IL2RA: variants seen among roughly 807,000 people sequenced by gnomAD.
IL2RA encodes the protein interleukin 2 receptor subunit alpha.
In IL2RA, 24 loss-of-function variants were observed where a neutral mutation model predicts 37.8. The ratio of observed to expected loss-of-function variants is 0.63; its 90% CI spans 0.46 to 0.89. IL2RA has a LOEUF of 0.89. Ranked by LOEUF, IL2RA falls within the 40% of genes least tolerant of loss-of-function variation. The pLI is 0.00. For missense variants in IL2RA, 319 were observed against 348.6 expected, an observed-to-expected ratio of 0.92 and a Z score of 0.68; for synonymous variants, 125 against 114.6, an observed-to-expected ratio of 1.09 and a Z score of -0.58.
chr10:6,039,963 G>T (rs1266430644), intron 1 of IL2RA, among the ~76,000 whole-genome samples: 1 of 152,204 alleles, frequency 6.6e-6, no homozygotes, highest in Non-Finnish European at 1.5e-5. Context: ...TCAACTGGAA[G>T]GTTAGGCACG....
intron 5 of IL2RA, 74 bp downstream of exon 5, chr10:6,019,796 C>G: frequency 7.2e-7 from 1 of 1,398,316 alleles, no homozygotes; most frequent in Non-Finnish European, 1.0e-6. Flanking sequence ...GCCTATCTCC[C>G]TGAGCCTGGC....
Position 6,021,184 on chromosome 10 carries a change from C to G in IL2RA, c.583+294G>C, listed in dbSNP as rs767124575. Among the ~76,000 whole-genome samples, 3 of 152,128 alleles carry G rather than the reference C, an allele frequency of 2.0e-5. No individual in the cohort carries two copies. The highest frequency in any genetic ancestry group is 4.4e-5 in the Non-Finnish European group (3 of 68,022). ...AGAGAAGTAGTGGACTTAGGACCAA[C>G]TACGAGGCAGCATCTAGGGTGCTTA... On this transcript the variant is annotated intron_variant, in intron 4 of 7. Coordinates refer to ENST00000379959, the MANE Select transcript of IL2RA (RefSeq NM_000417.3). This position sits in a 1 kb window ranked among gnomAD's most constrained non-coding sequence, Gnocchi z 4.9.
rs998826402 is a variant in IL2RA, at chr10:6,014,012, T to C, written c.795-1116A>G. On this transcript the variant is annotated intron_variant, in intron 7 of 7. Transcript: ENST00000379959. This position sits in a 1 kb window ranked among gnomAD's most constrained non-coding sequence, Gnocchi z 4.4. ...TCGCCTAGCTAAGTTTAAAATGTTTTTGTAGAGACAAGGTCTCACTTTGTT... is the reference window on the plus strand; with the variant it reads ...TCGCCTAGCTAAGTTTAAAATGTTTCTGTAGAGACAAGGTCTCACTTTGTT... Among the ~76,000 whole-genome samples the C allele has an allele frequency of 6.6e-6, 1 of 152,004 alleles. No homozygotes were observed. The highest frequency in any genetic ancestry group is 1.5e-5 in the Non-Finnish European group (1 of 67,998).
At chr10:6,030,375 G>A (rs1321424993) in intron 1 of IL2RA, among the ~76,000 whole-genome samples, 1 of 152,134 alleles carries the variant, frequency 6.6e-6, no homozygotes, top group Non-Finnish European at 1.5e-5. Flanking sequence ...CAAAGATAAT[G>A]AGAAAATCTT....
chr10:6,032,715 T>C (rs1194238968), intron 1 of IL2RA, among the ~76,000 whole-genome samples: 1 of 142,798 alleles, frequency 7.0e-6, no homozygotes, highest in Non-Finnish European at 1.5e-5. Context: ...AAGAAAAAAA[T>C]GAAAAAGTAA....
intron 1 of IL2RA, among the ~76,000 whole-genome samples, chr10:6,052,425 C>A (rs1330549521): frequency 6.6e-6 from 1 of 152,140 alleles, no homozygotes. Context: ...TGTCTCAAAC[C>A]CTGTGCCTGA....
chr10:6,021,651 T>C lies in IL2RA; in HGVS notation c.410A>G (p.Glu137Gly), dbSNP rs781005101. 7.4e-6 allele frequency: 12 copies of C among 1,613,982 alleles called. No individual in the cohort carries two copies. The East Asian group carries it at 2.5e-4, about 33-fold the overall frequency. The change falls in exon 4 of 8, where the codon GAG becomes GGG. Residue 137 changes from glutamate to glycine, a missense_variant. Physicochemically the swap from Glu to Gly is moderately conservative, Grantham distance 98. Transcript: ENST00000379959. This position sits in a 1 kb window ranked among gnomAD's most constrained non-coding sequence, Gnocchi z 4.9. ...CCCCACCACGAAATGATAAATTCTC[T>C]CTGTGGCTTCATTTTCCCATGGTGG... is the stretch of plus-strand genomic sequence containing the variant. ...EPPPWENEATERIYHFVVGQM... is the reference protein window; with the variant it reads ...EPPPWENEATGRIYHFVVGQM...
Position 6,035,030 on chromosome 10 carries a change from T to C in IL2RA, c.65-9005A>G, listed in dbSNP as rs1345349103. Among the ~76,000 whole-genome samples the C allele has an allele frequency of 6.6e-6, 1 of 152,120 alleles. No homozygotes were observed. The highest frequency in any genetic ancestry group is 1.5e-5 in the Non-Finnish European group (1 of 67,998). On this transcript the variant is annotated intron_variant, in intron 1 of 7. Transcript: ENST00000379959. This position sits in a 1 kb window ranked among gnomAD's most constrained non-coding sequence, Gnocchi z 5.4. ...AATTTGAGATGATCAATTCGGGAGT[T>C]GGAGGTGGGGGTGTAGGGTGGTAAA...
intron 1 of IL2RA, among the ~76,000 whole-genome samples, chr10:6,050,396 G>A (rs1253276539): frequency 6.6e-6 from 1 of 152,194 alleles, no homozygotes; most frequent in Non-Finnish European, 1.5e-5. Context: ...CAGCACTTTG[G>A]GAGGCTGAGA....
chr10:6,055,306 A>C (rs1281152401), intron 1 of IL2RA, among the ~76,000 whole-genome samples: 1 of 152,166 alleles, frequency 6.6e-6, no homozygotes, highest in Non-Finnish European at 1.5e-5. Context: ...GGTGAGTTTC[A>C]ATCCTAAGTG....
Position 6,056,356 on chromosome 10 carries a change from A to G in IL2RA, c.64+5732T>C, listed in dbSNP as rs1840044576. On this transcript the variant is annotated intron_variant, in intron 1 of 7. Coordinates refer to ENST00000379959, the MANE Select transcript of IL2RA (RefSeq NM_000417.3). The surrounding 1 kb of genome is among the most constrained non-coding windows in gnomAD (Gnocchi z 5.0). ...AAAGATGTGCAGATGTGCAGGGAAT[A>G]TTGAACTGAAATTTAAGAGGGCTGG... 6.6e-6 allele frequency among the ~76,000 whole-genome samples: 1 copy of G among 152,246 alleles called. No individual in the cohort carries two copies. Among genetic ancestry groups the G allele is most frequent in the South Asian group, 2.1e-4 (1 of 4,838 alleles).
Position 6,011,507 on chromosome 10 carries a change from T to A in IL2RA, c.*1365A>T, listed in dbSNP as rs1349871726. 3 of 152,334 alleles carry A rather than the reference T, an allele frequency of 2.0e-5. No homozygotes were observed. The highest frequency in any genetic ancestry group is 7.2e-5 in the African/African-American group (3 of 41,564). The allele number at this position is 152,334 out of a possible 1,614,324, so 9.4% of individuals were successfully genotyped here. A position where few individuals can be genotyped will look rare whatever the true frequency, so the allele number is the denominator to read the frequency against. ...TCCCGGTGATTCTAATATGCTGAACTTTTTGATAATGTTCAAGGACTGCTG... is the reference window on the plus strand; with the variant it reads ...TCCCGGTGATTCTAATATGCTGAACATTTTGATAATGTTCAAGGACTGCTG... On this transcript the variant is annotated 3_prime_UTR_variant, in exon 8 of 8. Coordinates refer to ENST00000379959, the MANE Select transcript of IL2RA (RefSeq NM_000417.3). This position sits in a 1 kb window ranked among gnomAD's most constrained non-coding sequence, Gnocchi z 5.2.
rs1030196141 is a variant in IL2RA, at chr10:6,039,237, A to G, written c.65-13212T>C. Among the ~76,000 whole-genome samples, 15 of 152,366 alleles carry G rather than the reference A, an allele frequency of 9.8e-5. No individual in the cohort carries two copies. The South Asian group carries it at 2.1e-3, about 21-fold the overall frequency. On this transcript the variant is annotated intron_variant, in intron 1 of 7. Coordinates refer to ENST00000379959, the MANE Select transcript of IL2RA (RefSeq NM_000417.3). ...TTGCTAAAGATTCAATTCACCAGGA[A>G]AACATAAAAATGCTATATGTGTATG...
chr10:6,055,274 C>G (rs1218197366), intron 1 of IL2RA, among the ~76,000 whole-genome samples: 1 of 152,172 alleles, frequency 6.6e-6, no homozygotes, highest in Non-Finnish European at 1.5e-5. Context: ...CCATGGAAAT[C>G]ATTATTCCAT....
At chr10:6,050,702 C>T (rs1451519223) in intron 1 of IL2RA, among the ~76,000 whole-genome samples, 1 of 152,170 alleles carries the variant, frequency 6.6e-6, no homozygotes, top group Non-Finnish European at 1.5e-5. Flanking sequence ...CCTATGGTGG[C>T]CATGAGGAAT....
intron 1 of IL2RA, among the ~76,000 whole-genome samples, chr10:6,049,873 C>T (rs1839920820): frequency 6.6e-6 from 1 of 152,186 alleles, no homozygotes; most frequent in African/African-American, 2.4e-5. Context: ...GGGAAAAATT[C>T]CGGTAGGCAG....
chr10:6,018,708 G>A lies in IL2RA; in HGVS notation c.728-589C>T, dbSNP rs1311386125. Among the ~76,000 whole-genome samples the A allele has an allele frequency of 6.6e-6, 1 of 152,178 alleles. No individual in the cohort carries two copies. The highest frequency in any genetic ancestry group is 1.5e-5 in the Non-Finnish European group (1 of 68,030). On this transcript the variant is annotated intron_variant, in intron 6 of 7. Coordinates refer to ENST00000379959, the MANE Select transcript of IL2RA (RefSeq NM_000417.3). The surrounding 1 kb of genome is among the most constrained non-coding windows in gnomAD (Gnocchi z 5.1). The stretch of plus-strand genomic sequence containing the variant: ...CAGATCAGCTTGAGAGGAGCTGATA[G>A]GGCTGACTTGAGACTTTGCTCACAG...
chr10:6,051,624 T>C (rs1324700128), intron 1 of IL2RA, among the ~76,000 whole-genome samples: 3 of 146,522 alleles, frequency 2.0e-5, no homozygotes, highest in Non-Finnish European at 4.5e-5. Flanking sequence ...GTTCAGGGGA[T>C]TCTCCTGCCT....
chr10:6,051,880 G>C (rs1430604399), intron 1 of IL2RA, among the ~76,000 whole-genome samples: 1 of 121,320 alleles, frequency 8.2e-6, no homozygotes, highest in Non-Finnish European at 1.7e-5. Flanking sequence ...TTGCTACAAA[G>C]TATATAATAA....
Sources: gnomAD v4.1 joint callset for allele counts (sites outside exome capture counted in the v4.1 genomes callset) on GRCh38, gnomAD v4.1.1 for gene constraint, Gnocchi (gnomAD v3.1) non-coding constraint, MANE v1.5 for transcripts, NCBI Gene and HGNC (gene_info 2026-07-23, HGNC 2026-07-21) for gene names.